Variants in ZMYND8 observed in about 807,000 individuals in gnomAD.
ZMYND8 encodes the protein MYND-type zinc finger-containing chromatin reader ZMYND8.
In ZMYND8, 37 loss-of-function variants were observed where a neutral mutation model predicts 140.8. The ratio of observed to expected loss-of-function variants is 0.26; its 90% CI spans 0.20 to 0.35. ZMYND8 has a LOEUF of 0.35. Ranked by LOEUF, ZMYND8 falls within the 10% of genes least tolerant of loss-of-function variation. The pLI is 1.00. For missense variants in ZMYND8, 1,068 were observed against 1,570.0 expected, an observed-to-expected ratio of 0.68 and a Z score of 5.40; for synonymous variants, 592 against 597.1, an observed-to-expected ratio of 0.99 and a Z score of 0.12.
rs576921006 is a variant in ZMYND8 at position 47,250,101 on chromosome 20, C to T, written c.1622-662G>A. On this transcript the variant is annotated intron_variant, in intron 12 of 22. Coordinates refer to ENST00000471951, the MANE Select transcript of ZMYND8 (RefSeq NM_001281775.3). ...TACTCAACCTCTGTCTAACAGGTCTCGCTCAAGTAAGAGTCCAAGGTCCTC... is the reference window on the plus strand; with the variant it reads ...TACTCAACCTCTGTCTAACAGGTCTTGCTCAAGTAAGAGTCCAAGGTCCTC... Among the ~76,000 whole-genome samples, 181 of 152,250 alleles carry T rather than the reference C, an allele frequency of 1.2e-3. 1 individual carries two copies. The highest frequency in any genetic ancestry group is 0.01 in the Middle Eastern group (3 of 294).
chr20:47,347,993 TG>T, intron 1 of ZMYND8, 67 bp from the exon 2 acceptor site: 1 of 1,515,098 alleles, frequency 6.6e-7, no homozygotes, highest in Non-Finnish European at 9.1e-7. Context: ...GGCAGCTATT[TG>T]GAAGTTCTAG....
intron 2 of ZMYND8, among the ~76,000 whole-genome samples, chr20:47,333,745 A>AC (rs2081162905): frequency 7.0e-6 from 1 of 143,356 alleles, no homozygotes; most frequent in African/African-American, 2.7e-5. Context: ...AAAAAAAAAA[A>AC]AAAAAAAAAA....
At chr20:47,321,370 C>A (rs904441132) in intron 2 of ZMYND8, among the ~76,000 whole-genome samples, 2 of 152,174 alleles carry the variant, frequency 1.3e-5, no homozygotes, top group African/African-American at 4.8e-5. Flanking sequence ...TTGGTTGTCA[C>A]AACTGGGCAG....
At chr20:47,211,303 A>G (rs2035222519) in intron 22 of ZMYND8, among the ~76,000 whole-genome samples, 1 of 152,200 alleles carries the variant, frequency 6.6e-6, no homozygotes, top group Non-Finnish European at 1.5e-5. Flanking sequence ...TTTGGCATGC[A>G]GTCTACTTCC....
chr20:47,326,132 T>A (rs1332984326), intron 2 of ZMYND8, among the ~76,000 whole-genome samples: 2 of 152,176 alleles, frequency 1.3e-5, no homozygotes, highest in African/African-American at 4.8e-5. Flanking sequence ...TAATTCTTTG[T>A]ATTTCTTAGT....
intron 12 of ZMYND8, among the ~76,000 whole-genome samples, chr20:47,251,869 T>C (rs545758283): frequency 2.6e-5 from 4 of 152,190 alleles, no homozygotes; most frequent in African/African-American, 9.6e-5. Context: ...CACCTCTGTC[T>C]GGCCGCCATG....
intron 8 of ZMYND8, 54 bp downstream of exon 8, chr20:47,287,175 G>A: frequency 6.6e-7 from 1 of 1,520,632 alleles, no homozygotes; most frequent in Non-Finnish European, 9.1e-7. Flanking sequence ...AACTTCAGCT[G>A]CCCCATCCCC....
chr20:47,348,948 G>A (rs1569256372), intron 1 of ZMYND8: 1 of 152,244 alleles, frequency 6.6e-6, no homozygotes, highest in Non-Finnish European at 1.5e-5. Context: ...TCGTTCCACA[G>A]GAAGAAATGG....
intron 2 of ZMYND8, among the ~76,000 whole-genome samples, chr20:47,332,127 A>G (rs1037789253): frequency 3.3e-5 from 5 of 152,212 alleles, no homozygotes; most frequent in Non-Finnish European, 7.3e-5. Flanking sequence ...CCTGACCAAC[A>G]TGGTGAAACC....
chr20:47,256,341 C>T (rs577619594), intron 12 of ZMYND8, among the ~76,000 whole-genome samples: 40 of 152,088 alleles, frequency 2.6e-4, no homozygotes, highest in Middle Eastern at 3.4e-3. Context: ...AAAGAGAGGC[C>T]GGGCACAGTG....
chr20:47,287,181 T>A (rs2076975291), intron 8 of ZMYND8, 48 bp downstream of exon 8: 1 of 1,545,004 alleles, frequency 6.5e-7, no homozygotes, highest in Non-Finnish European at 8.9e-7. Context: ...AGCTGCCCCA[T>A]CCCCTCCTTC....
chr20:47,271,731 A>C (rs1286509956), intron 11 of ZMYND8, among the ~76,000 whole-genome samples: 1 of 152,220 alleles, frequency 6.6e-6, no homozygotes, highest in African/African-American at 2.4e-5. Context: ...CCCAGGCTGG[A>C]GTACAGTGGC....
Position 47,298,692 on chromosome 20 carries a change from A to G in ZMYND8, c.453+37T>C, listed in dbSNP as rs200619577. 61 of 1,584,162 alleles carry G rather than the reference A, an allele frequency of 3.9e-5. No individual in the cohort carries two copies. In the African/African-American group the frequency reaches 7.5e-4, roughly 20 times the overall value. ...AAGGAAGAAAGAGAAAGGAGAGGAAACGAGGCAGGTAATGCATTCATTCAT... is the reference window on the plus strand; with the variant it reads ...AAGGAAGAAAGAGAAAGGAGAGGAAGCGAGGCAGGTAATGCATTCATTCAT... On this transcript the variant is annotated intron_variant, in intron 4 of 22. Transcript: ENST00000471951. This position sits in a 1 kb window ranked among gnomAD's most constrained non-coding sequence, Gnocchi z 5.0.
chr20:47,348,660 G>A (rs1449696497), intron 1 of ZMYND8: 2 of 152,252 alleles, frequency 1.3e-5, no homozygotes, highest in African/African-American at 4.8e-5. Flanking sequence ...AGAGTGGAGG[G>A]TTGGGGAGAG....
intron 7 of ZMYND8, among the ~76,000 whole-genome samples, chr20:47,288,580 G>T (rs1037980499): frequency 6.6e-6 from 1 of 151,820 alleles, no homozygotes; most frequent in Non-Finnish European, 1.5e-5. Flanking sequence ...TTTTAGTAGA[G>T]ACAGGGTTTC....
At chr20:47,291,651 T>C (rs889686247) in intron 6 of ZMYND8, 145 bp downstream of exon 6, 3 of 479,698 alleles carry the variant, frequency 6.3e-6, no homozygotes, top group East Asian at 7.3e-5. Flanking sequence ...AGAGTTCTTC[T>C]ATCCAAATAA....
At chr20:47,354,329 G>T (rs1240289140) in intron 1 of ZMYND8, 1 of 152,152 alleles carries the variant, frequency 6.6e-6, no homozygotes, top group Non-Finnish European at 1.5e-5. Context: ...ACAGTATTAT[G>T]CAAACGTTGA....
intron 7 of ZMYND8, among the ~76,000 whole-genome samples, chr20:47,288,994 C>T (rs951004735): frequency 4.6e-5 from 7 of 151,968 alleles, no homozygotes; most frequent in Non-Finnish European, 1.0e-4. Context: ...CCCAGCTACT[C>T]GGGAGGCTGA....
At chr20:47,334,726 C>T (rs2081257590) in intron 2 of ZMYND8, among the ~76,000 whole-genome samples, 1 of 151,900 alleles carries the variant, frequency 6.6e-6, no homozygotes, top group African/African-American at 2.4e-5. Context: ...TCTCCCGCCT[C>T]AGCCTGCTGA....
Sources: gnomAD v4.1 joint callset for allele counts (sites outside exome capture counted in the v4.1 genomes callset) on GRCh38, gnomAD v4.1.1 for gene constraint, Gnocchi (gnomAD v3.1) non-coding constraint, MANE v1.5 for transcripts, NCBI Gene and HGNC (gene_info 2026-07-23, HGNC 2026-07-21) for gene names.